MGAT4C: variants seen among roughly 807,000 people sequenced by gnomAD.
MGAT4C encodes alpha-1,3-mannosyl-glycoprotein 4-beta-N-acetylglucosaminyltransferase C.
Under a neutral mutation model 40.1 loss-of-function variants are expected in MGAT4C, and 19 were observed. The ratio of observed to expected loss-of-function variants is 0.47; its 90% CI spans 0.33 to 0.70. The LOEUF is 0.70. Ranked by LOEUF, MGAT4C falls within the 30% of genes least tolerant of loss-of-function variation. MGAT4C has a pLI of 0.02. For synonymous variants in MGAT4C, 181 were observed against 187.1 expected, an observed-to-expected ratio of 0.97 and a Z score of 0.27; for missense variants, 491 against 563.2, an observed-to-expected ratio of 0.87 and a Z score of 1.30.
chr12:86,681,074 G>T (rs1411307088), intron 2 of MGAT4C, among the ~76,000 whole-genome samples: 2 of 151,800 alleles, frequency 1.3e-5, no homozygotes, highest in Middle Eastern at 3.4e-3. Context: ...TCTATTACTC[G>T]TGGAAAATAA....
chr12:86,541,363 C>T (rs1456297926), intron 2 of MGAT4C, among the ~76,000 whole-genome samples: 2 of 152,048 alleles, frequency 1.3e-5, no homozygotes, highest in Admixed American at 6.6e-5. Flanking sequence ...TTGTGGACTA[C>T]GATCTGTTGA....
intron 1 of MGAT4C, among the ~76,000 whole-genome samples, chr12:86,761,791 T>C (rs1039766599): frequency 2.0e-5 from 3 of 152,222 alleles, no homozygotes; most frequent in African/African-American, 7.2e-5. Context: ...GGCTATTCTC[T>C]TGAACTTTTT....
intron 2 of MGAT4C, among the ~76,000 whole-genome samples, chr12:86,675,849 C>T (rs1295014023): frequency 1.3e-5 from 2 of 151,858 alleles, no homozygotes; most frequent in Admixed American, 6.6e-5. Context: ...TTATTTGCAT[C>T]TAGCTAATGT....
intron 2 of MGAT4C, among the ~76,000 whole-genome samples, chr12:86,626,566 A>C (rs1305243190): frequency 2.0e-5 from 3 of 152,202 alleles, no homozygotes; most frequent in Non-Finnish European, 4.4e-5. Flanking sequence ...ATCTGAAGTA[A>C]TCCAAGCCAG....
intron 2 of MGAT4C, among the ~76,000 whole-genome samples, chr12:86,040,556 G>C (rs1356612662): frequency 1.3e-5 from 2 of 152,136 alleles, no homozygotes; most frequent in Non-Finnish European, 2.9e-5. Flanking sequence ...GCCTACTTAA[G>C]CCTCAGCAAT....
intron 2 of MGAT4C, among the ~76,000 whole-genome samples, chr12:86,609,482 TAAAC>T (rs1962168301): frequency 6.6e-6 from 1 of 152,104 alleles, no homozygotes; most frequent in African/African-American, 2.4e-5. Context: ...AGACTACTGA[TAAAC>T]AAAATTGATT....
chr12:86,215,937 A>C (rs189177923), intron 1 of MGAT4C, among the ~76,000 whole-genome samples: 1 of 152,152 alleles, frequency 6.6e-6, no homozygotes, highest in Non-Finnish European at 1.5e-5. Flanking sequence ...TGTTCTTCAA[A>C]TTTATTTGAG....
At chr12:86,026,433 C>T (rs1439093650) in intron 2 of MGAT4C, among the ~76,000 whole-genome samples, 4 of 151,762 alleles carry the variant, frequency 2.6e-5, no homozygotes, top group Non-Finnish European at 5.9e-5. Flanking sequence ...TTCACTATAT[C>T]TTGAAAATCT....
intron 1 of MGAT4C, among the ~76,000 whole-genome samples, chr12:86,185,192 G>A (rs888916902): frequency 7.9e-5 from 12 of 152,070 alleles, no homozygotes; most frequent in African/African-American, 2.9e-4. Context: ...CTCCTTTTGT[G>A]TGACTATATT....
intron 2 of MGAT4C, among the ~76,000 whole-genome samples, chr12:86,638,578 C>T (rs934681392): frequency 6.6e-6 from 1 of 151,660 alleles, no homozygotes; most frequent in African/African-American, 2.4e-5. Context: ...TTATTGTAAT[C>T]AATAGCCACA....
chr12:86,407,877 T>C (rs974944239), intron 3 of MGAT4C, among the ~76,000 whole-genome samples: 12 of 152,072 alleles, frequency 7.9e-5, no homozygotes, highest in African/African-American at 2.9e-4. Context: ...AGAAGCACAG[T>C]CTAGTCAAGC....
chr12:86,266,006 T>C (rs938348981), intron 4 of MGAT4C, among the ~76,000 whole-genome samples: 5 of 152,236 alleles, frequency 3.3e-5, no homozygotes, highest in South Asian at 2.1e-4. Flanking sequence ...TCAAGTTTAC[T>C]GAATTCATTT....
intron 1 of MGAT4C, among the ~76,000 whole-genome samples, chr12:86,737,342 C>T (rs200472443): frequency 3.0e-5 from 4 of 131,186 alleles, no homozygotes; most frequent in South Asian, 2.4e-4. Context: ...AACTAAAATA[C>T]TTTTTTTTTT....
At chr12:86,719,350 A>C (rs1344669018) in intron 2 of MGAT4C, among the ~76,000 whole-genome samples, 1 of 152,164 alleles carries the variant, frequency 6.6e-6, no homozygotes, top group Non-Finnish European at 1.5e-5. Context: ...CAGCTCCTTC[A>C]GTGCTGTTTC....
At chr12:86,774,419 C>CTCTCTCTCTCTT (rs1555227886) in intron 1 of MGAT4C, among the ~76,000 whole-genome samples, 2 of 102,868 alleles carry the variant, frequency 1.9e-5, no homozygotes, top group African/African-American at 6.0e-5. Context: ...CTCTCTCTCT[C>CTCTCTCTCTCTT]TCTTTCTTTC....
intron 1 of MGAT4C, among the ~76,000 whole-genome samples, chr12:86,764,079 C>T (rs186047187): frequency 1.8e-3 from 268 of 152,176 alleles, no homozygotes; most frequent in African/African-American, 5.1e-3. Context: ...ACTCCAGAAG[C>T]GCAAGGGGTC....
chr12:86,232,764 G>A lies in MGAT4C; in HGVS notation c.-57+23475C>T, dbSNP rs954820715. On this transcript the variant is annotated intron_variant, in intron 1 of 4. Transcript: ENST00000611864. ...AGTATGTGTGTACATGTTAATGTGT[G>A]TGTCAAGGAGAAAAACAAATAATTG... Among the ~76,000 whole-genome samples the A allele has an allele frequency of 2.6e-5, 4 of 152,192 alleles. No individual in the cohort carries two copies. The East Asian group carries it at 5.8e-4, about 22-fold the overall frequency.
rs896589998 is a variant in MGAT4C, at chr12:85,965,388, G to A, written c.*13901C>T. 6.6e-6 allele frequency: 1 copy of A among 152,030 alleles called. No homozygotes were observed. The highest frequency in any genetic ancestry group is 2.1e-4 in the South Asian group (1 of 4,816). The allele number at this position is 152,030 out of a possible 1,614,324, so 9.4% of individuals were successfully genotyped here. A position where few individuals can be genotyped will look rare whatever the true frequency, so the allele number is the denominator to read the frequency against. Reference sequence around the variant, plus strand: ...CGAGGCGGGAGGATCACGAGGTCAGGAGATCGAGAGCATCCTGGCTAACAA... The same window carrying A: ...CGAGGCGGGAGGATCACGAGGTCAGAAGATCGAGAGCATCCTGGCTAACAA... On this transcript the variant is annotated 3_prime_UTR_variant, in exon 5 of 5. Transcript: ENST00000611864.
At chr12:86,377,086 G>A (rs1213310701) in intron 3 of MGAT4C, among the ~76,000 whole-genome samples, 1 of 142,214 alleles carries the variant, frequency 7.0e-6, no homozygotes, top group Non-Finnish European at 1.5e-5. Context: ...TTGACATGGA[G>A]TTTCGCTCTT....
Sources: gnomAD v4.1 joint callset for allele counts (sites outside exome capture counted in the v4.1 genomes callset) on GRCh38, gnomAD v4.1.1 for gene constraint, MANE v1.5 for transcripts, NCBI Gene and HGNC (gene_info 2026-07-23, HGNC 2026-07-21) for gene names.